The following IGFN1 variants were observed in gnomAD, a reference collection of about 807,000 sequenced individuals.
IGFN1 encodes immunoglobulin-like and fibronectin type III domain-containing protein 1.
Under a neutral mutation model 289.5 loss-of-function variants are expected in IGFN1, and 253 were observed. That is an observed-to-expected ratio of 0.87 (90% confidence interval 0.79 to 0.97). The LOEUF is 0.97. Among genes scored for constraint, IGFN1 ranks in the 50% least tolerant of loss-of-function variants. The pLI, the probability that IGFN1 is intolerant of heterozygous loss-of-function variation, is 0.00. For synonymous variants in IGFN1, 1,706 were observed against 1,788.5 expected, an observed-to-expected ratio of 0.95 and a Z score of 1.16; for missense variants, 4,470 against 4,686.1, an observed-to-expected ratio of 0.95 and a Z score of 1.35.
chr1:201,212,281 C>T lies in IGFN1; in HGVS notation c.7388C>T (p.Ser2463Phe). ...CAGACTCTTTCAGATGAGCGAGGCTCCACCAAAGATCTTGGGGGCTATGGA... is the reference window on the plus strand; with the variant it reads ...CAGACTCTTTCAGATGAGCGAGGCTTCACCAAAGATCTTGGGGGCTATGGA... ...GRQTLSDERG[S>F]TKDLGGYGTS... The change falls in exon 12 of 24, where the codon TCC (serine) becomes TTC (phenylalanine). Residue 2463 changes from serine to phenylalanine, a missense_variant. Ser to Phe is a radical substitution (Grantham distance 155). Transcript: ENST00000335211. 2 of 1,536,260 alleles carry T rather than the reference C, an allele frequency of 1.3e-6. No individual in the cohort carries two copies. Among genetic ancestry groups the T allele is most frequent in the Non-Finnish European group, 8.7e-7 (1 of 1,146,672 alleles).
In IGFN1 at chr1:201,228,951, C is replaced by T. The variant is rs1654303935; in HGVS notation, c.*552C>T. On this transcript the variant is annotated 3_prime_UTR_variant, in exon 24 of 24. Coordinates refer to ENST00000335211, the MANE Select transcript of IGFN1 (RefSeq NM_001164586.2). ...CATTAAAACATTAGGCTAATACAGGCAGATCATTGGCAAATTTACTTGGGG... is the reference window on the plus strand; with the variant it reads ...CATTAAAACATTAGGCTAATACAGGTAGATCATTGGCAAATTTACTTGGGG... 1 of 152,980 alleles carries T rather than the reference C, an allele frequency of 6.5e-6. No individual in the cohort carries two copies. The highest frequency in any genetic ancestry group is 1.5e-5 in the Non-Finnish European group (1 of 68,658). The allele number at this position is 152,980 out of a possible 1,614,324, so 9.5% of individuals were successfully genotyped here.
chr1:201,221,471 A>G lies in IGFN1; in HGVS notation c.9926A>G (p.Gln3309Arg). ...CCCCCTGGGCTGGTGAGGAATCTCC[A>G]AGTCACAGACAGATCGAACACCAGC... ...MRPPGLVRNL[Q>R]VTDRSNTSIT... Residue 3309 changes from glutamine (Q) to arginine (R), a missense_variant, in exon 19 of 24, where the codon CAA (glutamine) becomes CGA (arginine). Gln to Arg is a conservative substitution (Grantham distance 43). This residue lies in a region of IGFN1 where 2,218 missense variants were observed against 2,114.1 expected (regional missense o/e 1.05). Transcript: ENST00000335211. 1 of 1,605,144 alleles carries G rather than the reference A, an allele frequency of 6.2e-7. No individual in the cohort carries two copies. The highest frequency in any genetic ancestry group is 2.2e-5 in the East Asian group (1 of 44,716).
chr1:201,196,659 G>A (rs755892215), intron 4 of IGFN1, among the ~76,000 whole-genome samples: 7 of 152,086 alleles, frequency 4.6e-5, no homozygotes, highest in Non-Finnish European at 8.8e-5. Flanking sequence ...GTTGTTATGA[G>A]GATGAAAGTT....
chr1:201,222,884 A>T, intron 20 of IGFN1, 57 bp downstream of exon 20: 2 of 1,239,050 alleles, frequency 1.6e-6, no homozygotes, highest in Non-Finnish European at 2.3e-6. Context: ...AGGGGGCCAG[A>T]CTCAGCCCTG....
Position 201,217,475 on chromosome 1 carries a change from G to A in IGFN1, c.9769+15G>A, listed in dbSNP as rs774472858. The A allele has an allele frequency of 6.2e-7, 1 of 1,613,536 alleles. No homozygotes were observed. Among genetic ancestry groups the A allele is most frequent in the Non-Finnish European group, 8.5e-7 (1 of 1,179,654 alleles). ...GCCGGTGCCTGGTGAGCATTGTCCTGGCTTCCAGAGCTTCCTTAGACCCCT... is the reference window on the plus strand; with the variant it reads ...GCCGGTGCCTGGTGAGCATTGTCCTAGCTTCCAGAGCTTCCTTAGACCCCT... On this transcript the variant is annotated intron_variant, in intron 17 of 23. Transcript: ENST00000335211.
intron 13 of IGFN1, 35 bp downstream of exon 13, chr1:201,214,336 G>A: frequency 6.3e-7 from 1 of 1,577,146 alleles, no homozygotes; most frequent in Non-Finnish European, 8.7e-7. Flanking sequence ...CTTTACCAGT[G>A]GGAGGGACAG....
chr1:201,217,196 C>G, intron 16 of IGFN1, 91 bp from the exon 17 acceptor site: 2 of 1,168,514 alleles, frequency 1.7e-6, no homozygotes, highest in South Asian at 1.4e-5. Flanking sequence ...GTGGCCTGTC[C>G]CAGATGCCTG....
intron 23 of IGFN1, among the ~76,000 whole-genome samples, chr1:201,227,689 C>A (rs950104900): frequency 1.3e-5 from 2 of 152,100 alleles, no homozygotes; most frequent in African/African-American, 4.8e-5. Flanking sequence ...CTCGGCCTCC[C>A]AAAGAGCTAG....
rs372174499 is a variant in IGFN1 at position 201,227,071 on chromosome 1, C to A, written c.10976C>A (p.Ala3659Glu). 3 of 1,613,666 alleles carry A rather than the reference C, an allele frequency of 1.9e-6. No homozygotes were observed. The highest frequency in any genetic ancestry group is 2.5e-6 in the Non-Finnish European group (3 of 1,180,048). The change falls in exon 23 of 24, where the codon GCG becomes GAG. Residue 3659 changes from alanine (A) to glutamate (E), a missense_variant. This residue lies in a region of IGFN1 where 2,218 missense variants were observed against 2,114.1 expected (regional missense o/e 1.05). Transcript: ENST00000335211. The stretch of plus-strand genomic sequence containing the variant: ...GACCGCAGCCTGGAAGGAAACCCCG[C>A]GGTGTACAGCACTGACCTGCTGGGC... Reference protein sequence around the residue: ...KNDRSLEGNPAVYSTDLLGVC... With the variant: ...KNDRSLEGNPEVYSTDLLGVC...
Position 201,203,852 on chromosome 1 carries a change from T to C in IGFN1, c.862T>C (p.Tyr288His), listed in dbSNP as rs1667272856. The C allele has an allele frequency of 6.4e-7, 1 of 1,551,586 alleles. No individual in the cohort carries two copies. Reference protein sequence around the residue: ...QDLRPEDSGIYQVKVEDAVVF... With the variant: ...QDLRPEDSGIHQVKVEDAVVF... ...CCTGAGGCCTGAGGACTCTGGCATT[T>C]ACCAGGTCAAGGTGGAGGATGCTGT... Residue 288 changes from tyrosine to histidine, a missense_variant, in exon 10 of 24, where the codon TAC becomes CAC. Around this residue, in one of 8 missense-constraint regions of IGFN1, gnomAD observed 2,011 missense variants for 1,953.4 expected, o/e 1.03. Coordinates refer to ENST00000335211, the MANE Select transcript of IGFN1 (RefSeq NM_001164586.2).
chr1:201,211,368 G>T lies in IGFN1; in HGVS notation c.6475G>T (p.Gly2159Cys), dbSNP rs1245219452. The change falls in exon 12 of 24, where the codon GGT (glycine) becomes TGT (cysteine). Residue 2159 changes from glycine (G) to cysteine (C), a missense_variant. Physicochemically the swap from Gly to Cys is radical, Grantham distance 159. This residue lies in a region of IGFN1 where 2,218 missense variants were observed against 2,114.1 expected (regional missense o/e 1.05). Transcript: ENST00000335211. ...GGGAATGGGTTCAGAGAGTAAGGCA[G>T]GTTTTAGGGATGGTTTAGGGAGTTC... ...PKGMGSESKAGFRDGLGSSGE... is the reference protein window; with the variant it reads ...PKGMGSESKACFRDGLGSSGE... 5.4e-6 allele frequency: 8 copies of T among 1,490,902 alleles called. No homozygotes were observed. The highest frequency in any genetic ancestry group is 7.2e-6 in the Non-Finnish European group (8 of 1,118,534). 92.4% of individuals were successfully genotyped at this position (1,490,902 alleles called of 1,614,324 possible). A position where few individuals can be genotyped will look rare whatever the true frequency, so the allele number is the denominator to read the frequency against.
In IGFN1 at chr1:201,207,681, T is replaced by C. The variant is rs1397305335; in HGVS notation, c.2788T>C (p.Ser930Pro). The C allele has an allele frequency of 6.5e-7, 1 of 1,536,854 alleles. No homozygotes were observed. Among genetic ancestry groups the C allele is most frequent in the Non-Finnish European group, 8.7e-7 (1 of 1,146,826 alleles). The change falls in exon 12 of 24, where the codon TCC becomes CCC. Residue 930 changes from serine (S) to proline (P), a missense_variant. By Grantham distance (74) the Ser-to-Pro change is moderately conservative (BLOSUM62 -1). Transcript: ENST00000335211. ...EPDFWNGSGS[S>P]RVKGPRGETG... is the part of the protein sequence containing the mutation. ...AGATTTCTGGAATGGGTCAGGGAGC[T>C]CCAGAGTAAAAGGACCCAGAGGTGA...
Position 201,212,921 on chromosome 1 carries a change from T to C in IGFN1, c.8028T>C (p.Gly2676=), listed in dbSNP as rs1195520528. 37 of 1,550,968 alleles carry C rather than the reference T, an allele frequency of 2.4e-5. No homozygotes were observed. The East Asian group carries it at 8.8e-4, about 37-fold the overall frequency. The change falls in exon 12 of 24, where the codon GGT becomes GGC. Residue 2676 remains glycine, a synonymous_variant. Transcript: ENST00000335211. ...CAGGGGGCTTTAAGGGTGGGGAGGG[T>C]GCACCAGGCCAAGAGGCGGCTGGTG... ...EGPGGFKGGE[G]APGQEAAGGC...
rs988806918 is a variant in IGFN1, at chr1:201,218,757, G to A, written c.9898+99G>A. The A allele has an allele frequency of 2.0e-5, 25 of 1,243,310 alleles. No individual in the cohort carries two copies. In the South Asian group the frequency reaches 3.1e-4, roughly 16 times the overall value. The allele number at this position is 1,243,310 out of a possible 1,614,324, so 77.0% of individuals were successfully genotyped here. On this transcript the variant is annotated intron_variant, in intron 18 of 23. Transcript: ENST00000335211. ...GGGAGGTCAAAGGTCACAGGTCGGGGCAGTCCTGAGGGAGATGGTCAGGAG... is the reference window on the plus strand; with the variant it reads ...GGGAGGTCAAAGGTCACAGGTCGGGACAGTCCTGAGGGAGATGGTCAGGAG...
chr1:201,227,520 T>G (rs1233783778), intron 23 of IGFN1, among the ~76,000 whole-genome samples: 1 of 151,864 alleles, frequency 6.6e-6, no homozygotes, highest in Admixed American at 6.6e-5. Flanking sequence ...CTCCACCTCC[T>G]GGATTCAAGA....
chr1:201,226,223 GTGGCAGGGA>G, intron 22 of IGFN1, 100 bp downstream of exon 22: 1 of 1,310,280 alleles, frequency 7.6e-7, no homozygotes. Flanking sequence ...GATAGGGACT[GTGGCAGGGA>G]TGGCCTGGAG....
intron 5 of IGFN1, 30 bp downstream of exon 5, chr1:201,197,347 G>A (rs1305275401): frequency 7.1e-6 from 10 of 1,406,234 alleles, no homozygotes; most frequent in Non-Finnish European, 9.8e-6. Flanking sequence ...TGTCTCATCA[G>A]TGCACAGGGC....
chr1:201,208,242 C>A lies in IGFN1; in HGVS notation c.3349C>A (p.Pro1117Thr), dbSNP rs771576717. 6.2e-5 allele frequency: 95 copies of A among 1,536,182 alleles called. No individual in the cohort carries two copies. The African/African-American group carries it at 1.2e-3, about 20-fold the overall frequency. ...AEPESSGRIR[P>T]WGQTGNYGGF... is the part of the protein sequence containing the mutation. ...ACCAGAGAGCTCTGGAAGAATAAGG[C>A]CTTGGGGTCAGACTGGAAATTATGG... The change falls in exon 12 of 24, where the codon CCT (proline) becomes ACT (threonine). Residue 1117 changes from proline (P) to threonine (T), a missense_variant. By Grantham distance (38) the Pro-to-Thr change is conservative. Around this residue, in one of 8 missense-constraint regions of IGFN1, gnomAD observed 2,011 missense variants for 1,953.4 expected, o/e 1.03. Coordinates refer to ENST00000335211, the MANE Select transcript of IGFN1 (RefSeq NM_001164586.2).
intron 23 of IGFN1, among the ~76,000 whole-genome samples, chr1:201,228,045 C>T (rs1654227912): frequency 6.6e-6 from 1 of 152,210 alleles, no homozygotes; most frequent in Admixed American, 6.5e-5. Flanking sequence ...CTCAATTGAC[C>T]TTTGTGGAAA....
Sources: allele counts gnomAD v4.1 joint callset (sites outside exome capture counted in the v4.1 genomes callset), GRCh38; gene constraint gnomAD v4.1.1; regional missense constraint gnomAD v4.1.1; transcripts MANE v1.5; gene names NCBI Gene and HGNC (gene_info 2026-07-23, HGNC 2026-07-21).